The following PARP8 variants were observed in gnomAD, a reference collection of about 807,000 sequenced individuals.
The protein encoded by PARP8 is protein mono-ADP-ribosyltransferase PARP8.
Under a neutral mutation model 124.1 loss-of-function variants are expected in PARP8, and 51 were observed. The observed-to-expected ratio is 0.41, with a 90% confidence interval of 0.33 to 0.52. The LOEUF (loss-of-function observed/expected upper bound fraction) is 0.52. Among genes scored for constraint, PARP8 ranks in the 20% least tolerant of loss-of-function variants. PARP8 has a pLI of 0.21. For missense variants in PARP8, 860 were observed against 1,018.9 expected (o/e 0.84, Z 2.12); for synonymous variants, 391 against 361.5 (o/e 1.08, Z -0.93).
chr5:50,753,636 C>A (rs1285532601), intron 3 of PARP8, among the ~76,000 whole-genome samples: 7 of 151,824 alleles, frequency 4.6e-5, no homozygotes, highest in Admixed American at 1.3e-4. Flanking sequence ...TTTCTCTGAG[C>A]CTTAGTTTCC....
At chr5:50,819,553 G>C (rs1187434402) in intron 15 of PARP8, among the ~76,000 whole-genome samples, 1 of 140,962 alleles carries the variant, frequency 7.1e-6, no homozygotes, top group South Asian at 2.3e-4. Flanking sequence ...CAGTACTCCT[G>C]CCTCAGCCAC....
intron 15 of PARP8, among the ~76,000 whole-genome samples, chr5:50,815,855 T>C (rs1745044230): frequency 6.6e-6 from 1 of 152,148 alleles, no homozygotes; most frequent in African/African-American, 2.4e-5. Context: ...ATAACTGCCA[T>C]AAAATGGAAG....
At chr5:50,709,973 C>G (rs533760685) in intron 2 of PARP8, among the ~76,000 whole-genome samples, 4 of 139,714 alleles carry the variant, frequency 2.9e-5, no homozygotes, top group African/African-American at 1.1e-4. Context: ...CATATATACA[C>G]ACACACACAT....
chr5:50,728,842 T>C (rs528985024), intron 2 of PARP8, among the ~76,000 whole-genome samples: 51 of 152,240 alleles, frequency 3.3e-4, no homozygotes, highest in African/African-American at 1.2e-3. Context: ...ATAATAAATA[T>C]TTTAGACTAA....
intron 2 of PARP8, among the ~76,000 whole-genome samples, chr5:50,729,706 G>C (rs1378166056): frequency 6.6e-6 from 1 of 152,108 alleles, no homozygotes; most frequent in Non-Finnish European, 1.5e-5. Flanking sequence ...TTCAAGATTA[G>C]CTGTCTCAAA....
At chr5:50,803,072 T>G (rs1481903290) in intron 14 of PARP8, among the ~76,000 whole-genome samples, 2 of 152,206 alleles carry the variant, frequency 1.3e-5, no homozygotes, top group Non-Finnish European at 2.9e-5. Flanking sequence ...ATAGTTATGC[T>G]GGGTATAGAA....
chr5:50,771,653 C>A (rs1761641890), intron 7 of PARP8, among the ~76,000 whole-genome samples: 1 of 146,214 alleles, frequency 6.8e-6, no homozygotes, highest in Admixed American at 6.7e-5. Context: ...GGATTATATT[C>A]TATTACTTGA....
intron 7 of PARP8, among the ~76,000 whole-genome samples, chr5:50,763,996 T>G (rs1221645467): frequency 4.6e-5 from 7 of 152,204 alleles, no homozygotes; most frequent in African/African-American, 9.6e-5. Flanking sequence ...ACGTTGGGCA[T>G]TTGCATAAGC....
chr5:50,845,581 G>C lies in PARP8; in HGVS notation c.*3513G>C, dbSNP rs1458070888. The C allele has an allele frequency of 6.6e-6, 1 of 151,722 alleles. No homozygotes were observed. Among genetic ancestry groups the C allele is most frequent in the Non-Finnish European group, 1.5e-5 (1 of 67,804 alleles). 9.4% of individuals were successfully genotyped at this position (151,722 alleles called of 1,614,324 possible). ...TAGAAGTCATCAAATAATTCAACAG[G>C]AAGACCATACTGGACACAGATGTTG... On this transcript the variant is annotated 3_prime_UTR_variant, in exon 26 of 26. Transcript: ENST00000281631.
At chr5:50,723,785 T>G (rs1396018645) in intron 2 of PARP8, among the ~76,000 whole-genome samples, 2 of 152,118 alleles carry the variant, frequency 1.3e-5, no homozygotes, top group African/African-American at 4.8e-5. Flanking sequence ...TTTATTAGAT[T>G]TAAAAAATAT....
intron 2 of PARP8, among the ~76,000 whole-genome samples, chr5:50,674,344 T>G (rs112374662): frequency 0.015 from 2,242 of 152,310 alleles, 58 homozygotes; most frequent in African/African-American, 0.052. Flanking sequence ...GTCTTCCTCT[T>G]CTGGTTCCTG....
chr5:50,709,949 T>TAA, intron 2 of PARP8, among the ~76,000 whole-genome samples: 1 of 100,394 alleles, frequency 1.0e-5, no homozygotes, highest in Non-Finnish European at 2.3e-5. Context: ...TATATATATA[T>TAA]ATATATACAC....
intron 2 of PARP8, among the ~76,000 whole-genome samples, chr5:50,722,360 C>A (rs186005322): frequency 6.6e-6 from 1 of 151,940 alleles, no homozygotes; most frequent in East Asian, 1.9e-4. Context: ...TTACTAATCC[C>A]TCTCCCCTCG....
chr5:50,698,028 A>T (rs1753212845), intron 2 of PARP8, among the ~76,000 whole-genome samples: 1 of 152,102 alleles, frequency 6.6e-6, no homozygotes. Flanking sequence ...GATTAGGTTA[A>T]ATCTTATTGG....
intron 9 of PARP8, among the ~76,000 whole-genome samples, chr5:50,781,175 G>A (rs1254468754): frequency 6.6e-6 from 1 of 151,950 alleles, no homozygotes; most frequent in Non-Finnish European, 1.5e-5. Flanking sequence ...GCTCCACTGA[G>A]TGAATTTTTT....
chr5:50,754,742 C>A (rs1346462418), intron 3 of PARP8, among the ~76,000 whole-genome samples: 1 of 152,138 alleles, frequency 6.6e-6, no homozygotes, highest in Non-Finnish European at 1.5e-5. Flanking sequence ...AGTTCTAGAT[C>A]CCTGAGGAAT....
chr5:50,775,274 A>G (rs1431654941), intron 7 of PARP8, among the ~76,000 whole-genome samples: 3 of 152,232 alleles, frequency 2.0e-5, no homozygotes, highest in African/African-American at 7.2e-5. Context: ...AACATTGAGC[A>G]TTGAGTGAGT....
chr5:50,841,420 A>G (rs547886104), intron 25 of PARP8, among the ~76,000 whole-genome samples: 5 of 151,994 alleles, frequency 3.3e-5, no homozygotes, highest in African/African-American at 1.2e-4. Flanking sequence ...ATGAACTGCC[A>G]GAATAAATAA....
intron 22 of PARP8, among the ~76,000 whole-genome samples, chr5:50,830,516 A>G (rs113000514): frequency 2.6e-5 from 4 of 152,338 alleles, no homozygotes; most frequent in African/African-American, 9.6e-5. Flanking sequence ...AATGATCACC[A>G]AATTGTTAGC....
Sources: gnomAD v4.1 joint callset for allele counts (sites outside exome capture counted in the v4.1 genomes callset) on GRCh38, gnomAD v4.1.1 for gene constraint, MANE v1.5 for transcripts, NCBI Gene and HGNC (gene_info 2026-07-23, HGNC 2026-07-21) for gene names.